The following ZHX2 variants were observed in gnomAD, a reference collection of about 807,000 sequenced individuals.
ZHX2 encodes the protein zinc fingers and homeoboxes protein 2.
In ZHX2, 6 loss-of-function variants were observed where a neutral mutation model predicts 21.9. That is an observed-to-expected ratio of 0.27 (90% CI 0.15 to 0.54). The LOEUF is 0.54. Among genes scored for constraint, ZHX2 ranks in the 20% least tolerant of loss-of-function variants. The pLI is 0.95. For synonymous variants in ZHX2, 434 were observed against 437.1 expected, an observed-to-expected ratio of 0.99 and a Z score of 0.09; for missense variants, 908 against 1,090.7, an observed-to-expected ratio of 0.83 and a Z score of 2.36.
At chr8:122,844,374 A>G (rs975255641) in intron 1 of ZHX2, among the ~76,000 whole-genome samples, 2 of 152,246 alleles carry the variant, frequency 1.3e-5, no homozygotes, top group African/African-American at 4.8e-5. Context: ...GGGTCCACTT[A>G]TTAACCATGC....
intron 3 of ZHX2, among the ~76,000 whole-genome samples, chr8:122,959,727 G>T (rs1813394443): frequency 6.6e-6 from 1 of 152,144 alleles, no homozygotes; most frequent in Non-Finnish European, 1.5e-5. Flanking sequence ...CAAGAGAAAG[G>T]CCTGTTGGAG....
chr8:122,819,727 C>A (rs764053628), intron 1 of ZHX2, among the ~76,000 whole-genome samples: 2 of 152,240 alleles, frequency 1.3e-5, no homozygotes, highest in African/African-American at 4.8e-5. Flanking sequence ...ACAAAGTTGA[C>A]GAGAGCCCAG....
chr8:122,879,419 A>C (rs60072791), intron 2 of ZHX2, among the ~76,000 whole-genome samples: 332 of 151,454 alleles, frequency 2.2e-3, no homozygotes, highest in African/African-American at 6.6e-3. Context: ...GTTGGCCAGG[A>C]TGGTCTCAAT....
chr8:122,798,776 G>A (rs1489170862), intron 1 of ZHX2, among the ~76,000 whole-genome samples: 2 of 151,476 alleles, frequency 1.3e-5, no homozygotes, highest in Non-Finnish European at 2.9e-5. Context: ...TCCAGCCTGG[G>A]GACAGAGCGA....
At chr8:122,860,129 A>C (rs1185407629) in intron 1 of ZHX2, among the ~76,000 whole-genome samples, 1 of 152,204 alleles carries the variant, frequency 6.6e-6, no homozygotes, top group Non-Finnish European at 1.5e-5. Context: ...CCTTCTTCAC[A>C]AGGCAGCAGG....
At chr8:122,936,888 C>A (rs1388605902) in intron 2 of ZHX2, among the ~76,000 whole-genome samples, 1 of 22,068 alleles carries the variant, frequency 4.5e-5, no homozygotes, top group Non-Finnish European at 1.7e-4. Flanking sequence ...CCAATAAAAG[C>A]CCCAGAATGG....
chr8:122,938,081 G>A (rs1462453093), intron 2 of ZHX2, among the ~76,000 whole-genome samples: 1 of 151,880 alleles, frequency 6.6e-6, no homozygotes, highest in African/African-American at 2.4e-5. Context: ...GACTACAGGT[G>A]TGTGCCACCA....
At chr8:122,823,136 G>A (rs79188580) in intron 1 of ZHX2, among the ~76,000 whole-genome samples, 5,437 of 152,218 alleles carry the variant, frequency 0.036, 102 homozygotes, top group East Asian at 0.047. Flanking sequence ...CTGGTCTTTG[G>A]GTGCCAAATT....
intron 3 of ZHX2, among the ~76,000 whole-genome samples, chr8:122,954,912 A>G (rs976731938): frequency 1.3e-5 from 2 of 151,990 alleles, no homozygotes; most frequent in Non-Finnish European, 1.5e-5. Flanking sequence ...ACTGAATCAA[A>G]GACCTGAGCT....
At chr8:122,927,665 G>C (rs1307797114) in intron 2 of ZHX2, among the ~76,000 whole-genome samples, 2 of 152,160 alleles carry the variant, frequency 1.3e-5, no homozygotes, top group East Asian at 3.9e-4. Context: ...AAAACCATCA[G>C]ATCTCATGAG....
intron 2 of ZHX2, among the ~76,000 whole-genome samples, chr8:122,864,712 C>G (rs1421064946): frequency 6.6e-6 from 1 of 152,192 alleles, no homozygotes; most frequent in Non-Finnish European, 1.5e-5. Context: ...TCAGCTTCAC[C>G]TGGAATCGTG....
intron 1 of ZHX2, among the ~76,000 whole-genome samples, chr8:122,809,871 A>G (rs1817891962): frequency 6.6e-6 from 1 of 152,190 alleles, no homozygotes; most frequent in Non-Finnish European, 1.5e-5. Context: ...TGAAGCTTAC[A>G]AGAAATCCTG....
chr8:122,836,299 AC>A (rs1350994274), intron 1 of ZHX2, among the ~76,000 whole-genome samples: 1 of 152,144 alleles, frequency 6.6e-6, no homozygotes, highest in African/African-American at 2.4e-5. Flanking sequence ...GGGAAAACTT[AC>A]CAGTAGGCGA....
At chr8:122,795,228 G>A (rs926136201) in intron 1 of ZHX2, among the ~76,000 whole-genome samples, 11 of 152,364 alleles carry the variant, frequency 7.2e-5, no homozygotes, top group Middle Eastern at 3.4e-3. Context: ...CTGGTGGCAG[G>A]TCATTGCCAC....
intron 1 of ZHX2, among the ~76,000 whole-genome samples, chr8:122,793,044 G>C (rs371571456): frequency 6.6e-6 from 1 of 152,194 alleles, no homozygotes; most frequent in South Asian, 2.1e-4. Flanking sequence ...TGCATCTGCA[G>C]TCCCCACAGT....
At chr8:122,826,578 T>C (rs760029122) in intron 1 of ZHX2, among the ~76,000 whole-genome samples, 5 of 152,176 alleles carry the variant, frequency 3.3e-5, no homozygotes, top group Non-Finnish European at 7.3e-5. Context: ...CGCCGGGCAG[T>C]GTAGACACCA....
At chr8:122,883,344 G>A (rs1563767164) in intron 2 of ZHX2, among the ~76,000 whole-genome samples, 2 of 152,148 alleles carry the variant, frequency 1.3e-5, no homozygotes, top group Admixed American at 6.5e-5. Flanking sequence ...ATGGAGGTGG[G>A]CGGAAGAATG....
chr8:122,877,842 G>A (rs780713097), intron 2 of ZHX2, among the ~76,000 whole-genome samples: 3 of 152,198 alleles, frequency 2.0e-5, no homozygotes, highest in Admixed American at 6.5e-5. Context: ...AAGGAAGCAC[G>A]ATCTGGTTTG....
chr8:122,945,691 G>A (rs1246524723), intron 2 of ZHX2, among the ~76,000 whole-genome samples: 2 of 152,190 alleles, frequency 1.3e-5, no homozygotes, highest in Non-Finnish European at 2.9e-5. Context: ...TTCAGACAGA[G>A]AGGGGCAACA....
Sources: allele counts gnomAD v4.1 joint callset (sites outside exome capture counted in the v4.1 genomes callset), GRCh38; gene constraint gnomAD v4.1.1; transcripts MANE v1.5; gene names NCBI Gene and HGNC (gene_info 2026-07-23, HGNC 2026-07-21).